UBXN11: variants seen among roughly 807,000 people sequenced by gnomAD.
UBXN11 encodes the protein UBX domain protein 11.
A neutral mutation model predicts 62.8 loss-of-function variants in UBXN11; 47 were observed. That is an observed-to-expected ratio of 0.75 (90% confidence interval 0.59 to 0.95). UBXN11 has a LOEUF of 0.95. UBXN11 is among the 40% of genes least tolerant of loss of function. The pLI, the probability that UBXN11 is intolerant of heterozygous loss-of-function variation, is 0.00. For missense variants in UBXN11, 638 were observed against 661.7 expected (o/e 0.96, Z 0.39); for synonymous variants, 294 against 267.0 (o/e 1.10, Z -0.99).
chr1:26,284,601 A>G lies in UBXN11; in HGVS notation c.853-119T>C, dbSNP rs114908725. 3,394 of 1,411,550 alleles carry G rather than the reference A, an allele frequency of 2.4e-3. 69 individuals are homozygous for G. In the African/African-American group the frequency reaches 0.042, roughly 18 times the overall value. The allele number at this position is 1,411,550 out of a possible 1,614,324, so 87.4% of individuals were successfully genotyped here. On this transcript the variant is annotated intron_variant, in intron 10 of 14. Transcript: ENST00000374222. ...TATGGTCTAATGCAACCCCCATTTT[A>G]CATATGAGGAAACCCAGGCCTCAGG... is the stretch of plus-strand genomic sequence containing the variant.
At chr1:26,297,871 A>G (rs2073433437) in intron 5 of UBXN11, 91 bp downstream of exon 5, 3 of 1,401,502 alleles carry the variant, frequency 2.1e-6, no homozygotes. Flanking sequence ...CGGTTCTAGA[A>G]TCACCCACCC....
Position 26,302,899 on chromosome 1 carries a change from A to G in UBXN11, c.-16T>C, listed in dbSNP as rs769734242. The G allele has an allele frequency of 3.1e-6, 5 of 1,613,148 alleles. No individual in the cohort carries two copies. Among genetic ancestry groups the G allele is most frequent in the Non-Finnish European group, 4.2e-6 (5 of 1,179,476 alleles). ...GTGAGCTCATAGTTCTACTTCTAGAATCCAGCTGTCAGGAACTCCCTAGAG... is the reference window on the plus strand; with the variant it reads ...GTGAGCTCATAGTTCTACTTCTAGAGTCCAGCTGTCAGGAACTCCCTAGAG... On this transcript the variant is annotated 5_prime_UTR_variant, in exon 2 of 15. Coordinates refer to ENST00000374222, the MANE Select transcript of UBXN11 (RefSeq NM_001389556.1).
intron 7 of UBXN11, among the ~76,000 whole-genome samples, chr1:26,295,666 C>T (rs888358375): frequency 3.7e-5 from 4 of 107,888 alleles, no homozygotes; most frequent in African/African-American, 1.1e-4. Flanking sequence ...AGACATCATG[C>T]CCAATGTCAC....
chr1:26,301,029 A>G lies in UBXN11; in HGVS notation c.101-5T>C. ...TCAACATGTCCACCTCATCTTCTGC[A>G]GACAGGGATGCCTAGGTCACCGCTC... On this transcript the variant is annotated splice_region_variant and splice_polypyrimidine_tract_variant and intron_variant, in intron 3 of 14. Coordinates refer to ENST00000374222, the MANE Select transcript of UBXN11 (RefSeq NM_001389556.1). 1 of 1,614,238 alleles carries G rather than the reference A, an allele frequency of 6.2e-7. No individual in the cohort carries two copies. The highest frequency in any genetic ancestry group is 1.1e-5 in the South Asian group (1 of 91,092).
intron 8 of UBXN11, among the ~76,000 whole-genome samples, chr1:26,288,542 A>G (rs1398033743): frequency 6.6e-6 from 1 of 152,076 alleles, no homozygotes; most frequent in Non-Finnish European, 1.5e-5. Context: ...CCACCACCCC[A>G]CCAGGGTTCA....
At chr1:26,308,275 A>AAAAG (rs552936962), upstream of UBXN11, among the ~76,000 whole-genome samples, 1,240 of 141,178 alleles carry the variant, frequency 8.8e-3, 7 homozygotes, top group African/African-American at 0.016. Context: ...CAAAAAAAAA[A>AAAAG]AAAAGAAAAG....
At chr1:26,301,600 G>C in intron 3 of UBXN11, 94 bp downstream of exon 3, 1 of 1,541,964 alleles carries the variant, frequency 6.5e-7, no homozygotes, top group South Asian at 1.2e-5. Flanking sequence ...CAGCTGACAA[G>C]GGCCTTTCTC....
chr1:26,306,943 A>G (rs1458784996), upstream of UBXN11: 1 of 151,558 alleles, frequency 6.6e-6, no homozygotes, highest in African/African-American at 2.4e-5. Context: ...TGATCCCGAC[A>G]GTGCCGCTAT....
chr1:26,296,813 G>A (rs1032792468), intron 7 of UBXN11, 106 bp downstream of exon 7: 37 of 1,196,564 alleles, frequency 3.1e-5, no homozygotes, highest in African/African-American at 1.1e-4. Context: ...GGGATGTGAC[G>A]AGGAGAGGCC....
At chr1:26,307,428 G>A (rs2073691152), upstream of UBXN11, among the ~76,000 whole-genome samples, 1 of 152,076 alleles carries the variant, frequency 6.6e-6, no homozygotes, top group South Asian at 2.1e-4. Flanking sequence ...GATTTTAAAG[G>A]GGAAAGCCGA....
At chr1:26,286,310 CTG>C (rs1557680901) in intron 8 of UBXN11, among the ~76,000 whole-genome samples, 1 of 152,176 alleles carries the variant, frequency 6.6e-6, no homozygotes, top group Non-Finnish European at 1.5e-5. Context: ...GATGAGGAAA[CTG>C]AGGGTTAGAG....
intron 8 of UBXN11, among the ~76,000 whole-genome samples, chr1:26,289,708 A>C (rs1476594156): frequency 6.6e-6 from 1 of 152,136 alleles, no homozygotes; most frequent in Non-Finnish European, 1.5e-5. Flanking sequence ...TGTAAGTATC[A>C]CTGTGGGGGC....
chr1:26,283,813 AG>A (rs1379896088), intron 12 of UBXN11, among the ~76,000 whole-genome samples: 1 of 152,210 alleles, frequency 6.6e-6, no homozygotes, highest in African/African-American at 2.4e-5. Flanking sequence ...ATGAGGGCCA[AG>A]GAGAGTCTGA....
intron 8 of UBXN11, among the ~76,000 whole-genome samples, chr1:26,289,577 CT>C (rs560972218): frequency 1.7e-4 from 26 of 152,306 alleles, no homozygotes; most frequent in Admixed American, 5.2e-4. Context: ...CCAGAAATGT[CT>C]GAGCACCCGT....
At chr1:26,286,484 C>G (rs1186706602) in intron 8 of UBXN11, among the ~76,000 whole-genome samples, 1 of 152,224 alleles carries the variant, frequency 6.6e-6, no homozygotes, top group Non-Finnish European at 1.5e-5. Flanking sequence ...TCCCTTCTAT[C>G]TGTGTGACCT....
Position 26,285,800 on chromosome 1 carries a change from A to ACC in UBXN11, c.774+21_774+22dup, listed in dbSNP as rs370062434. The ACC allele has an allele frequency of 3.4e-4, 527 of 1,566,972 alleles. 2 individuals are homozygous for ACC. In the African/African-American group the frequency reaches 6.2e-3, roughly 18 times the overall value. ...TGGGCAGCAGGGGCACTAGAGCACC[A>ACC]CCCCCCCCAACACCGCTCCTACCTG... On this transcript the variant is annotated intron_variant, in intron 9 of 14. Coordinates refer to ENST00000374222, the MANE Select transcript of UBXN11 (RefSeq NM_001389556.1).
chr1:26,289,077 A>G (rs2073196919), intron 8 of UBXN11, among the ~76,000 whole-genome samples: 1 of 151,722 alleles, frequency 6.6e-6, no homozygotes, highest in Admixed American at 6.6e-5. Context: ...CTTTGTCCCA[A>G]CTCCCAAGAC....
intron 8 of UBXN11, among the ~76,000 whole-genome samples, chr1:26,291,045 A>G (rs2073251250): frequency 6.6e-6 from 1 of 152,074 alleles, no homozygotes; most frequent in Non-Finnish European, 1.5e-5. Context: ...AAGCCCCTTC[A>G]TGGCCCCACC....
At chr1:26,303,161 G>A (rs1311255940) in intron 1 of UBXN11, 6 of 340,272 alleles carry the variant, frequency 1.8e-5, no homozygotes, top group African/African-American at 4.1e-5. Context: ...TGGTGCTTGG[G>A]AAAGTACTGT....
Sources: gnomAD v4.1 joint callset for allele counts (sites outside exome capture counted in the v4.1 genomes callset) on GRCh38, gnomAD v4.1.1 for gene constraint, MANE v1.5 for transcripts, NCBI Gene and HGNC (gene_info 2026-07-23, HGNC 2026-07-21) for gene names.